The following SCFD2 variants were observed in gnomAD, a reference collection of about 807,000 sequenced individuals.
SCFD2 encodes the protein sec1 family domain containing 2.
Under a neutral mutation model 58.9 loss-of-function variants are expected in SCFD2, and 54 were observed. The observed-to-expected ratio is 0.92, with a 90% CI of 0.74 to 1.15. The LOEUF is 1.15. Among genes scored for constraint, SCFD2 ranks in the 50% most tolerant of loss-of-function variants. The probability of loss-of-function intolerance (pLI) is 0.00; values close to 1 mark genes in which losing one functional copy is unlikely to be tolerated. For synonymous variants in SCFD2, 321 were observed against 335.9 expected (o/e 0.96, Z 0.49); for missense variants, 805 against 836.6 (o/e 0.96, Z 0.47).
At chr4:53,212,736 A>G (rs1728661922) in intron 4 of SCFD2, among the ~76,000 whole-genome samples, 2 of 151,602 alleles carry the variant, frequency 1.3e-5, no homozygotes, top group Admixed American at 1.3e-4. Flanking sequence ...TTTTTCTATA[A>G]TTGTTATATG....
At chr4:53,358,545 G>A (rs561568790) in intron 1 of SCFD2, among the ~76,000 whole-genome samples, 11 of 146,328 alleles carry the variant, frequency 7.5e-5, no homozygotes, top group South Asian at 2.1e-4. Context: ...ACAGTGAGAC[G>A]CTGTCTCAGG....
At chr4:52,965,721 C>T (rs1432117674) in intron 5 of SCFD2, among the ~76,000 whole-genome samples, 1 of 152,198 alleles carries the variant, frequency 6.6e-6, no homozygotes, top group Non-Finnish European at 1.5e-5. Flanking sequence ...CAGTACCATA[C>T]ATGTGACCAA....
intron 5 of SCFD2, among the ~76,000 whole-genome samples, chr4:52,947,276 C>CA (rs1720455432): frequency 6.6e-6 from 1 of 152,102 alleles, no homozygotes; most frequent in African/African-American, 2.4e-5. Context: ...AGACAGAAGC[C>CA]AGAAGTCATT....
chr4:52,902,372 C>A (rs1226653953), intron 7 of SCFD2, among the ~76,000 whole-genome samples: 2 of 152,186 alleles, frequency 1.3e-5, no homozygotes, highest in Non-Finnish European at 2.9e-5. Context: ...TTCCCACAGG[C>A]ACAGCAAAAG....
chr4:53,312,808 TAA>T (rs1732731091), intron 3 of SCFD2, among the ~76,000 whole-genome samples: 2 of 152,138 alleles, frequency 1.3e-5, no homozygotes, highest in Non-Finnish European at 2.9e-5. Flanking sequence ...GAACAGATTA[TAA>T]GAGAGAAACC....
chr4:53,043,811 A>T (rs1474913676), intron 5 of SCFD2, among the ~76,000 whole-genome samples: 1 of 151,914 alleles, frequency 6.6e-6, no homozygotes, highest in Non-Finnish European at 1.5e-5. Flanking sequence ...TTCTTTTAAA[A>T]TAAACACTTA....
chr4:53,329,643 A>G (rs1177340538), intron 2 of SCFD2, among the ~76,000 whole-genome samples: 2 of 152,202 alleles, frequency 1.3e-5, no homozygotes, highest in East Asian at 3.9e-4. Context: ...CAAAGATTGG[A>G]AAAAAACAGA....
intron 5 of SCFD2, among the ~76,000 whole-genome samples, chr4:52,980,525 G>A (rs1376890564): frequency 6.6e-6 from 1 of 152,130 alleles, no homozygotes; most frequent in Admixed American, 6.5e-5. Flanking sequence ...AGCTCATGTT[G>A]TTATTATTAG....
At chr4:53,321,975 G>A (rs369738461) in intron 2 of SCFD2, among the ~76,000 whole-genome samples, 89 of 152,288 alleles carry the variant, frequency 5.8e-4, no homozygotes, top group African/African-American at 2.0e-3. Context: ...TAGCAGGGAA[G>A]GTGAAACTGA....
chr4:52,891,808 C>T (rs1161403346), intron 7 of SCFD2, among the ~76,000 whole-genome samples: 1 of 152,250 alleles, frequency 6.6e-6, no homozygotes, highest in Admixed American at 6.5e-5. Flanking sequence ...CTCTCATCTG[C>T]TGCAGTTGAT....
chr4:53,227,715 T>C (rs977975877), intron 4 of SCFD2, among the ~76,000 whole-genome samples: 6 of 152,084 alleles, frequency 3.9e-5, no homozygotes, highest in Non-Finnish European at 5.9e-5. Context: ...CTACAAATAC[T>C]GGAGGGGAGT....
At chr4:53,084,250 T>C (rs975450123) in intron 5 of SCFD2, among the ~76,000 whole-genome samples, 2 of 152,132 alleles carry the variant, frequency 1.3e-5, no homozygotes, top group African/African-American at 2.4e-5. Context: ...GGCATTAATA[T>C]TAATATTCCT....
intron 5 of SCFD2, among the ~76,000 whole-genome samples, chr4:53,009,138 C>T (rs1722042636): frequency 6.6e-6 from 1 of 152,202 alleles, no homozygotes; most frequent in Non-Finnish European, 1.5e-5. Flanking sequence ...TTAGTCCTCT[C>T]TCACTATCAG....
At chr4:52,948,358 G>A (rs995481467) in intron 5 of SCFD2, 17 of 292,984 alleles carry the variant, frequency 5.8e-5, no homozygotes, top group East Asian at 9.5e-5. Flanking sequence ...ATGCAGCTGC[G>A]GCACCATAGA....
chr4:53,135,828 T>C (rs1725921527), intron 5 of SCFD2, among the ~76,000 whole-genome samples: 1 of 152,198 alleles, frequency 6.6e-6, no homozygotes, highest in Non-Finnish European at 1.5e-5. Context: ...CTGCCATTTA[T>C]CATTGCATTT....
At chr4:52,970,831 C>T (rs1032700166) in intron 5 of SCFD2, among the ~76,000 whole-genome samples, 1 of 152,202 alleles carries the variant, frequency 6.6e-6, no homozygotes, top group Admixed American at 6.5e-5. Context: ...TCCAGAGGAA[C>T]GATCAGGCAG....
chr4:53,096,725 C>T (rs1469518986), intron 5 of SCFD2, among the ~76,000 whole-genome samples: 1 of 152,112 alleles, frequency 6.6e-6, no homozygotes, highest in African/African-American at 2.4e-5. Flanking sequence ...TTAATTAGAT[C>T]CCATTTGTCA....
At chr4:53,158,072 T>TC (rs780813223) in intron 4 of SCFD2, among the ~76,000 whole-genome samples, 17 of 152,122 alleles carry the variant, frequency 1.1e-4, no homozygotes, top group Non-Finnish European at 2.1e-4. Flanking sequence ...CCTGGTAAGG[T>TC]ACATGAATGG....
At chr4:52,914,353 G>T (rs1719555180) in intron 6 of SCFD2, among the ~76,000 whole-genome samples, 1 of 152,202 alleles carries the variant, frequency 6.6e-6, no homozygotes, top group Non-Finnish European at 1.5e-5. Flanking sequence ...TTCTTACAGA[G>T]GAATTAGCTC....
Sources: gnomAD v4.1 joint callset for allele counts (sites outside exome capture counted in the v4.1 genomes callset) on GRCh38, gnomAD v4.1.1 for gene constraint, MANE v1.5 for transcripts, NCBI Gene and HGNC (gene_info 2026-07-23, HGNC 2026-07-21) for gene names.